Variants in SFI1 observed in about 807,000 individuals in gnomAD.
SFI1 encodes protein SFI1 homolog.
A neutral mutation model predicts 207.5 loss-of-function variants in SFI1; 195 were observed. The observed-to-expected ratio is 0.94, with a 90% CI of 0.84 to 1.06. The LOEUF is 1.06. SFI1 is among the 50% of genes least tolerant of loss of function. The pLI is 0.00. For synonymous variants in SFI1, 630 were observed against 598.9 expected, an observed-to-expected ratio of 1.05 and a Z score of -0.76; for missense variants, 1,634 against 1,588.0, an observed-to-expected ratio of 1.03 and a Z score of -0.49.
intron 6 of SFI1, among the ~76,000 whole-genome samples, chr22:31,553,529 A>ATT (rs71202096): frequency 0.033 from 2,706 of 82,580 alleles, 100 homozygotes; most frequent in East Asian, 0.075. Flanking sequence ...TAATTTTTGT[A>ATT]TTTTTTTTTT....
chr22:31,568,224 ATATT>A lies in SFI1; in HGVS notation c.766-4832_766-4829del, dbSNP rs1569334538. Among the ~76,000 whole-genome samples, 20 of 124,390 alleles carry A rather than the reference ATATT, an allele frequency of 1.6e-4. No homozygotes were observed. In the East Asian group the frequency reaches 2.9e-3, roughly 18 times the overall value. 81.6% of individuals were successfully genotyped at this position (124,390 alleles called of 152,430 possible). On this transcript the variant is annotated intron_variant, in intron 8 of 32. Transcript: ENST00000400288. ...TGTGTGTGTGTGTATATATATATAT[ATATT>A]TTTTTTTTTTTACCATAAATGCATT...
intron 30 of SFI1, 57 bp downstream of exon 30, chr22:31,616,934 A>C (rs2071640273): frequency 6.2e-7 from 1 of 1,612,560 alleles, no homozygotes; most frequent in South Asian, 1.1e-5. Flanking sequence ...CGGACCTGGG[A>C]CTTGCTATTT....
chr22:31,542,063 T>C (rs1278175972), intron 4 of SFI1, among the ~76,000 whole-genome samples: 1 of 139,064 alleles, frequency 7.2e-6, no homozygotes, highest in Non-Finnish European at 1.5e-5. Flanking sequence ...ATCACACCAC[T>C]GCACTCCAGC....
rs184362539 is a variant in SFI1 at position 31,528,857 on chromosome 22, G to T, written c.260G>T (p.Arg87Leu). 7.9e-5 allele frequency: 128 copies of T among 1,612,896 alleles called. No homozygotes were observed. The highest frequency in any genetic ancestry group is 1.1e-4 in the Non-Finnish European group (125 of 1,179,336). ...CTRQGRLREL[R>L]IRCVARKFLY... ...CGACAGGGCCGGTTAAGAGAACTGC[G>T]CATCAGGTGAGCTTATGAGTGGCCA... Residue 87 changes from arginine (R) to leucine (L), a missense_variant, in exon 3 of 33, where the codon CGC becomes CTC. By Grantham distance (102) the Arg-to-Leu change is moderately radical (BLOSUM62 -2). Coordinates refer to ENST00000400288, the MANE Select transcript of SFI1 (RefSeq NM_001007467.3).
chr22:31,530,171 CAAAAAAAAAAAAAAAAAA>C (rs1162482504), intron 3 of SFI1, among the ~76,000 whole-genome samples: 5 of 12,106 alleles, frequency 4.1e-4, no homozygotes, highest in African/African-American at 9.9e-4. Context: ...GACTCCATCT[CAAAAAAAAAAAAAAAAAA>C]AAAAAAAAAA....
At chr22:31,498,454 C>T (rs999557046) in intron 1 of SFI1, among the ~76,000 whole-genome samples, 4 of 151,882 alleles carry the variant, frequency 2.6e-5, no homozygotes, top group Non-Finnish European at 5.9e-5. Flanking sequence ...ATATCAATTC[C>T]AGCCTGGCCA....
chr22:31,557,256 G>T (rs1467211573), intron 7 of SFI1, among the ~76,000 whole-genome samples, 197 bp downstream of exon 7: 1 of 151,974 alleles, frequency 6.6e-6, no homozygotes, highest in African/African-American at 2.4e-5. Flanking sequence ...TCAGCTTACT[G>T]CAACTTCCAC....
At chr22:31,536,560 C>T (rs761129690) in intron 4 of SFI1, among the ~76,000 whole-genome samples, 6 of 152,146 alleles carry the variant, frequency 3.9e-5, no homozygotes, top group East Asian at 1.9e-4. Flanking sequence ...TAAAGGTGCA[C>T]GCCACCATGC....
intron 1 of SFI1, among the ~76,000 whole-genome samples, chr22:31,504,267 C>T (rs2054280262): frequency 6.6e-6 from 1 of 152,238 alleles, no homozygotes; most frequent in South Asian, 2.1e-4. Context: ...TATTTGAATA[C>T]TCCATTTGAT....
intron 9 of SFI1, among the ~76,000 whole-genome samples, chr22:31,573,458 A>G (rs1434737607): frequency 2.1e-5 from 3 of 139,690 alleles, no homozygotes; most frequent in African/African-American, 8.1e-5. Context: ...TTTTTTTGAG[A>G]TGGAGTTTCG....
Position 31,519,273 on chromosome 22 carries a change from A to T in SFI1, c.93-9417A>T, listed in dbSNP as rs558333060. Among the ~76,000 whole-genome samples the T allele has an allele frequency of 8.9e-3, 1,179 of 132,214 alleles. 11 individuals are homozygous for T. The highest frequency in any genetic ancestry group is 0.029 in the African/African-American group (943 of 32,196). 86.7% of individuals were successfully genotyped at this position (132,214 alleles called of 152,430 possible). A position where few individuals can be genotyped will look rare whatever the true frequency, so the allele number is the denominator to read the frequency against. On this transcript the variant is annotated intron_variant, in intron 2 of 32. Coordinates refer to ENST00000400288, the MANE Select transcript of SFI1 (RefSeq NM_001007467.3). ...TCTATCATTTTTTCTTTTATTTTCC[A>T]TTTTTTTTTTTTTTTGATACAGGGT...
chr22:31,616,718 C>T, intron 29 of SFI1, 27 bp from the exon 30 acceptor site: 5 of 1,512,380 alleles, frequency 3.3e-6, no homozygotes, highest in South Asian at 2.7e-5. Context: ...CTTCCTTGCT[C>T]AGCATCTACC....
chr22:31,592,358 T>C (rs1162697041), intron 15 of SFI1, among the ~76,000 whole-genome samples: 1 of 62,582 alleles, frequency 1.6e-5, no homozygotes, highest in Non-Finnish European at 2.9e-5. Flanking sequence ...GCAGGGGGGC[T>C]GACCCCCCCC....
In SFI1 at chr22:31,613,622, T is replaced by C. The variant is rs1354682764; in HGVS notation, c.2763T>C (p.Arg921=). Residue 921 remains arginine (R), a synonymous_variant, in exon 27 of 33, where the codon CGT becomes CGC. Coordinates refer to ENST00000400288, the MANE Select transcript of SFI1 (RefSeq NM_001007467.3). ...QQVQAAHSLH[R]AVRRCATLWK... ...TGTAGGCGGCTCACAGTCTCCATCGTGCCGTCCGCCGCTGTGCCACGCTCT... is the reference window on the plus strand; with the variant it reads ...TGTAGGCGGCTCACAGTCTCCATCGCGCCGTCCGCCGCTGTGCCACGCTCT... 1 of 1,589,616 alleles carries C rather than the reference T, an allele frequency of 6.3e-7. No homozygotes were observed. Among genetic ancestry groups the C allele is most frequent in the South Asian group, 1.1e-5 (1 of 88,636 alleles).
chr22:31,496,354 C>T (rs1226206730), upstream of SFI1: 1 of 152,334 alleles, frequency 6.6e-6, no homozygotes, highest in African/African-American at 2.4e-5. Flanking sequence ...GGTGCATGCT[C>T]CACGCCCCTC....
At chr22:31,531,889 C>G (rs1172797073) in intron 4 of SFI1, among the ~76,000 whole-genome samples, 2 of 145,798 alleles carry the variant, frequency 1.4e-5, no homozygotes, top group Non-Finnish European at 1.5e-5. Context: ...GCGAAAGTCC[C>G]TCTCAAAAAA....
At chr22:31,560,465 G>T (rs937195844) in intron 7 of SFI1, among the ~76,000 whole-genome samples, 1 of 144,874 alleles carries the variant, frequency 6.9e-6, no homozygotes, top group Non-Finnish European at 1.5e-5. Flanking sequence ...ATAGTGGCAC[G>T]ATCTTGGCTC....
chr22:31,531,708 ACATGGAGAAACCCCGTCTCTACTAAAAAT>A (rs1369726697), intron 4 of SFI1, among the ~76,000 whole-genome samples: 1 of 152,182 alleles, frequency 6.6e-6, no homozygotes, highest in African/African-American at 2.4e-5. Flanking sequence ...AGCCTGACCA[ACATGGAGAAACCCCGTCTCTACTAAAAAT>A]ACAAAATTAG....
At chr22:31,604,550 G>A (rs2068649883) in intron 19 of SFI1, 146 bp downstream of exon 19, 2 of 696,420 alleles carry the variant, frequency 2.9e-6, no homozygotes, top group Non-Finnish European at 4.6e-6. Context: ...CGGACAGCGG[G>A]CCTTAGGCCA....
Sources: gnomAD v4.1 joint callset for allele counts (sites outside exome capture counted in the v4.1 genomes callset) on GRCh38, gnomAD v4.1.1 for gene constraint, MANE v1.5 for transcripts, NCBI Gene and HGNC (gene_info 2026-07-23, HGNC 2026-07-21) for gene names.